The following ASIC2 variants were observed in gnomAD, a reference collection of about 807,000 sequenced individuals.
ASIC2 encodes the protein acid-sensing ion channel 2.
ASIC2 carries 25 observed loss-of-function variants against 57.3 expected under a neutral mutation model. The ratio of observed to expected loss-of-function variants is 0.44; its 90% CI spans 0.32 to 0.61. The LOEUF is 0.61. Among genes scored for constraint, ASIC2 ranks in the 20% least tolerant of loss-of-function variants. The probability of loss-of-function intolerance (pLI) is 0.06; values close to 1 mark genes in which losing one functional copy is unlikely to be tolerated. For synonymous variants in ASIC2, 319 were observed against 307.5 expected, an observed-to-expected ratio of 1.04 and a Z score of -0.39; for missense variants, 641 against 738.1, an observed-to-expected ratio of 0.87 and a Z score of 1.52.
intron 1 of ASIC2, among the ~76,000 whole-genome samples, chr17:33,585,577 C>T (rs1286155285): frequency 1.3e-5 from 2 of 152,182 alleles, no homozygotes; most frequent in Admixed American, 6.5e-5. Flanking sequence ...GAGGCACCTG[C>T]ACTGGGCATG....
chr17:33,989,854 G>A (rs905615923), intron 1 of ASIC2, among the ~76,000 whole-genome samples: 1 of 152,148 alleles, frequency 6.6e-6, no homozygotes, highest in Non-Finnish European at 1.5e-5. Context: ...CAGGAGACCT[G>A]GAGACCAATG....
chr17:33,022,382 G>A (rs953381907), intron 6 of ASIC2, among the ~76,000 whole-genome samples: 1 of 152,192 alleles, frequency 6.6e-6, no homozygotes, highest in Non-Finnish European at 1.5e-5. Flanking sequence ...TGGGCATTGC[G>A]GACACAGAAC....
intron 1 of ASIC2, among the ~76,000 whole-genome samples, chr17:33,331,239 A>G (rs1390819515): frequency 6.6e-6 from 1 of 152,178 alleles, no homozygotes; most frequent in Non-Finnish European, 1.5e-5. Context: ...CAGTTCATGG[A>G]AAAATTCTCT....
chr17:34,128,557 T>G (rs1191931785), intron 1 of ASIC2, among the ~76,000 whole-genome samples: 1 of 152,170 alleles, frequency 6.6e-6, no homozygotes, highest in Non-Finnish European at 1.5e-5. Context: ...AGCCTCAGTT[T>G]CCTCATCCTT....
chr17:34,021,832 GT>G (rs1324168238), intron 1 of ASIC2, among the ~76,000 whole-genome samples: 1 of 121,422 alleles, frequency 8.2e-6, no homozygotes, highest in Non-Finnish European at 1.6e-5. Context: ...TTTGTGTTTT[GT>G]TTTGTTTTTT....
At chr17:33,672,483 AT>A (rs1353003567) in intron 1 of ASIC2, among the ~76,000 whole-genome samples, 1 of 151,406 alleles carries the variant, frequency 6.6e-6, no homozygotes, top group African/African-American at 2.4e-5. Context: ...CATGTCTGAG[AT>A]TTTTTGCAAG....
chr17:33,555,573 T>C (rs1915883361), intron 1 of ASIC2, among the ~76,000 whole-genome samples: 1 of 152,094 alleles, frequency 6.6e-6, no homozygotes, highest in South Asian at 2.1e-4. Flanking sequence ...GTGCAGGATG[T>C]GACAGCCCAA....
At chr17:33,707,689 T>C (rs897860511) in intron 1 of ASIC2, among the ~76,000 whole-genome samples, 1 of 152,254 alleles carries the variant, frequency 6.6e-6, no homozygotes, top group Admixed American at 6.5e-5. Context: ...TTCTCTAGGC[T>C]CCTTTACTCT....
At chr17:33,919,317 A>G (rs1204891834) in intron 1 of ASIC2, among the ~76,000 whole-genome samples, 1 of 152,194 alleles carries the variant, frequency 6.6e-6, no homozygotes, top group Non-Finnish European at 1.5e-5. Flanking sequence ...TTCACCACAC[A>G]TGAAAACCTT....
At chr17:33,030,646 T>C (rs2091879281) in intron 3 of ASIC2, among the ~76,000 whole-genome samples, 1 of 152,200 alleles carries the variant, frequency 6.6e-6, no homozygotes, top group Non-Finnish European at 1.5e-5. Context: ...ATTAGGAATA[T>C]ATTTTTCTTA....
chr17:33,382,615 A>G (rs568303919), intron 1 of ASIC2, among the ~76,000 whole-genome samples: 1 of 152,354 alleles, frequency 6.6e-6, no homozygotes, highest in East Asian at 1.9e-4. Flanking sequence ...TGTGCTGCAT[A>G]ATCCACAAAC....
At chr17:33,594,667 A>G (rs866834433) in intron 1 of ASIC2, among the ~76,000 whole-genome samples, 1 of 151,890 alleles carries the variant, frequency 6.6e-6, no homozygotes, top group Non-Finnish European at 1.5e-5. Context: ...TCTCTACTAA[A>G]AATACAAAAA....
At chr17:33,019,795 GTCTCTC>G (rs10578415) in intron 7 of ASIC2, among the ~76,000 whole-genome samples, 20 of 148,888 alleles carry the variant, frequency 1.3e-4, no homozygotes, top group African/African-American at 3.2e-4. Context: ...TGCTCTGTAT[GTCTCTC>G]TCTCTCTCTC....
At chr17:33,032,158 C>T (rs983296075) in intron 3 of ASIC2, among the ~76,000 whole-genome samples, 3 of 152,052 alleles carry the variant, frequency 2.0e-5, no homozygotes, top group African/African-American at 7.2e-5. Flanking sequence ...TCTTTGTTTC[C>T]TATTTGTACC....
intron 1 of ASIC2, among the ~76,000 whole-genome samples, chr17:34,134,960 T>G (rs1912088063): frequency 6.6e-6 from 1 of 152,156 alleles, no homozygotes; most frequent in Non-Finnish European, 1.5e-5. Flanking sequence ...GCCTTGAACT[T>G]TGGAATTCTA....
chr17:33,754,957 C>CAAAAAAAAAA (rs58392305), intron 1 of ASIC2, among the ~76,000 whole-genome samples: 2 of 57,944 alleles, frequency 3.5e-5, no homozygotes, highest in Non-Finnish European at 6.3e-5. Flanking sequence ...GACTCCATCT[C>CAAAAAAAAAA]AAAAAAAAAA....
At chr17:34,021,853 T>C (rs1418306760) in intron 1 of ASIC2, among the ~76,000 whole-genome samples, 1 of 149,536 alleles carries the variant, frequency 6.7e-6, no homozygotes, top group East Asian at 1.9e-4. Flanking sequence ...TTTTTTTTTT[T>C]TTGAGACAGA....
chr17:33,752,257 T>C (rs1321844873), intron 1 of ASIC2, among the ~76,000 whole-genome samples: 1 of 152,136 alleles, frequency 6.6e-6, no homozygotes, highest in Non-Finnish European at 1.5e-5. Flanking sequence ...TTTCACTTTT[T>C]CCTCCATACC....
chr17:33,663,005 G>A (rs1206794845), intron 1 of ASIC2, among the ~76,000 whole-genome samples: 1 of 152,132 alleles, frequency 6.6e-6, no homozygotes, highest in Non-Finnish European at 1.5e-5. Flanking sequence ...GCTGACTCTT[G>A]TTAGGTGACA....
Sources: allele counts gnomAD v4.1 joint callset (sites outside exome capture counted in the v4.1 genomes callset), GRCh38; gene constraint gnomAD v4.1.1; transcripts MANE v1.5; gene names NCBI Gene and HGNC (gene_info 2026-07-23, HGNC 2026-07-21).